SLC6A3: variants seen among roughly 807,000 people sequenced by gnomAD.
The protein encoded by SLC6A3 is sodium-dependent dopamine transporter.
In SLC6A3, 19 loss-of-function variants were observed where a neutral mutation model predicts 70.4. That is an observed-to-expected ratio of 0.27 (90% CI 0.19 to 0.40). The LOEUF is 0.40. Ranked by LOEUF, SLC6A3 falls within the 10% of genes least tolerant of loss-of-function variation. The pLI, the probability that SLC6A3 is intolerant of heterozygous loss-of-function variation, is 1.00. For missense variants in SLC6A3, 613 were observed against 838.5 expected (o/e 0.73, Z 3.32); for synonymous variants, 368 against 356.6 (o/e 1.03, Z -0.36).
rs1361415846 is a variant in SLC6A3 at position 1,416,763 on chromosome 5, C to T, written c.928-562G>A. Among the ~76,000 whole-genome samples, 8 of 150,832 alleles carry T rather than the reference C, an allele frequency of 5.3e-5. No individual in the cohort carries two copies. The East Asian group carries it at 1.6e-3, about 29-fold the overall frequency. On this transcript the variant is annotated intron_variant, in intron 6 of 14. Coordinates refer to ENST00000270349, the MANE Select transcript of SLC6A3 (RefSeq NM_001044.5). ...TCATCCACACACAACATGACCGCAGCGTCCTAATAGCCCTCAGAAGAGCAC... is the reference window on the plus strand; with the variant it reads ...TCATCCACACACAACATGACCGCAGTGTCCTAATAGCCCTCAGAAGAGCAC...
Position 1,437,962 on chromosome 5 carries a change from T to G in SLC6A3, c.418+3397A>C, listed in dbSNP as rs1408113476. ...AAGGACAAAGGCACATGTATCAGGG[T>G]GCCGGGGGTGCATGGTGTACATCTG... On this transcript the variant is annotated intron_variant, in intron 3 of 14. Coordinates refer to ENST00000270349, the MANE Select transcript of SLC6A3 (RefSeq NM_001044.5). This position sits in a 1 kb window ranked among gnomAD's most constrained non-coding sequence, Gnocchi z 4.8. Among the ~76,000 whole-genome samples the G allele has an allele frequency of 3.3e-5, 5 of 152,182 alleles. No individual in the cohort carries two copies. The highest frequency in any genetic ancestry group is 1.2e-4 in the African/African-American group (5 of 41,448).
chr5:1,422,367 A>AGTGCTGCCCACGCTGCTGGGTGCCCACCG (rs1756459793), intron 4 of SLC6A3, among the ~76,000 whole-genome samples: 3 of 105,270 alleles, frequency 2.8e-5, no homozygotes, highest in Non-Finnish European at 5.9e-5. Context: ...GGTGCCCACC[A>AGTGCTGCCCACGCTGCTGGGTGCCCACCG]CTGCCCAGTG....
intron 7 of SLC6A3, among the ~76,000 whole-genome samples, chr5:1,415,118 A>T (rs893142455): frequency 6.6e-6 from 1 of 151,810 alleles, no homozygotes; most frequent in Non-Finnish European, 1.5e-5. Flanking sequence ...GATCTTCCAG[A>T]AGCTCTAGGA....
intron 4 of SLC6A3, among the ~76,000 whole-genome samples, chr5:1,422,554 C>T (rs1342954291): frequency 3.5e-5 from 5 of 143,090 alleles, no homozygotes; most frequent in African/African-American, 5.5e-5. Flanking sequence ...GGGTGCCCAC[C>T]GCTGCCCACA....
At chr5:1,407,913 C>A (rs1359118566) in intron 11 of SLC6A3, among the ~76,000 whole-genome samples, 2 of 152,198 alleles carry the variant, frequency 1.3e-5, no homozygotes, top group Non-Finnish European at 2.9e-5. Context: ...GAGAAAATGA[C>A]CCCCTTGTTT....
chr5:1,395,369 A>G (rs1755691266), intron 14 of SLC6A3, among the ~76,000 whole-genome samples: 1 of 152,258 alleles, frequency 6.6e-6, no homozygotes, highest in Non-Finnish European at 1.5e-5. Flanking sequence ...TGTGAGCGTC[A>G]AAGCCCCTCG....
At chr5:1,424,041 G>A (rs1334926660) in intron 4 of SLC6A3, among the ~76,000 whole-genome samples, 2 of 152,214 alleles carry the variant, frequency 1.3e-5, no homozygotes, top group African/African-American at 2.4e-5. Context: ...CACCCTGGCT[G>A]TTGCCAACAG....
chr5:1,396,239 G>A lies in SLC6A3; in HGVS notation c.1840-1481C>T, dbSNP rs1302039421. On this transcript the variant is annotated intron_variant, in intron 14 of 14. Transcript: ENST00000270349. The surrounding 1 kb of genome is among the most constrained non-coding windows in gnomAD (Gnocchi z 7.0). ...GGACGGTCAGGGACCAGTCACGGTAGGTGAAACGTAGCTATGGATACAAAC... is the reference window on the plus strand; with the variant it reads ...GGACGGTCAGGGACCAGTCACGGTAAGTGAAACGTAGCTATGGATACAAAC... 1.3e-5 allele frequency among the ~76,000 whole-genome samples: 2 copies of A among 152,214 alleles called. No homozygotes were observed. Among genetic ancestry groups the A allele is most frequent in the Non-Finnish European group, 2.9e-5 (2 of 68,034 alleles).
At chr5:1,414,908 AG>A (rs1271685752) in intron 7 of SLC6A3, 93 bp from the exon 8 acceptor site, 4 of 1,522,666 alleles carry the variant, frequency 2.6e-6, no homozygotes, top group East Asian at 2.3e-5. Context: ...TGTCTGGGGA[AG>A]GGGGCGGGAG....
chr5:1,408,994 G>T lies in SLC6A3; in HGVS notation c.1498+32C>A, dbSNP rs8179032. ...AGTGGCACAGCCACCAAACAAGAGG[G>T]TGCCGGCTTGGCTGCCTTCCCCCGG... On this transcript the variant is annotated intron_variant, in intron 11 of 14. Coordinates refer to ENST00000270349, the MANE Select transcript of SLC6A3 (RefSeq NM_001044.5). The surrounding 1 kb of genome is among the most constrained non-coding windows in gnomAD (Gnocchi z 6.4). The T allele has an allele frequency of 1.4e-6, 2 of 1,465,906 alleles. No individual in the cohort carries two copies. The highest frequency in any genetic ancestry group is 1.9e-6 in the Non-Finnish European group (2 of 1,047,102). 90.8% of individuals were successfully genotyped at this position (1,465,906 alleles called of 1,614,324 possible). A position where few individuals can be genotyped will look rare whatever the true frequency, so the allele number is the denominator to read the frequency against.
intron 3 of SLC6A3, among the ~76,000 whole-genome samples, chr5:1,439,612 C>G (rs893659002): frequency 6.6e-6 from 1 of 152,222 alleles, no homozygotes; most frequent in Admixed American, 6.5e-5. Flanking sequence ...TGAAGGCCCA[C>G]CCCTGACCCA....
At chr5:1,444,645 G>T (rs1733755243) in intron 1 of SLC6A3, among the ~76,000 whole-genome samples, 1 of 152,228 alleles carries the variant, frequency 6.6e-6, no homozygotes, top group Non-Finnish European at 1.5e-5. Context: ...GGGGTTCCGC[G>T]GCGCGAGCAG....
Position 1,408,245 on chromosome 5 carries a change from T to C in SLC6A3, c.1498+781A>G, listed in dbSNP as rs1323592485. Among the ~76,000 whole-genome samples, 1 of 150,162 alleles carries C rather than the reference T, an allele frequency of 6.7e-6. No homozygotes were observed. Among genetic ancestry groups the C allele is most frequent in the Non-Finnish European group, 1.5e-5 (1 of 67,840 alleles). ...TTTTAGTAAAGATGGGGTTTTACCA[T>C]GTTGGCCAGGATGGTCTTGATCTCT... On this transcript the variant is annotated intron_variant, in intron 11 of 14. Coordinates refer to ENST00000270349, the MANE Select transcript of SLC6A3 (RefSeq NM_001044.5). This position sits in a 1 kb window ranked among gnomAD's most constrained non-coding sequence, Gnocchi z 6.4.
At chr5:1,426,089 G>A (rs1579719026) in intron 4 of SLC6A3, among the ~76,000 whole-genome samples, 1 of 152,290 alleles carries the variant, frequency 6.6e-6, no homozygotes, top group Non-Finnish European at 1.5e-5. Flanking sequence ...AAACAGTGTG[G>A]TGGTTCCTCA....
At chr5:1,425,088 C>A (rs1016594605) in intron 4 of SLC6A3, among the ~76,000 whole-genome samples, 1 of 152,218 alleles carries the variant, frequency 6.6e-6, no homozygotes, top group African/African-American at 2.4e-5. Context: ...AAAGTGTTGG[C>A]CCAGGATGTT....
chr5:1,439,999 A>G (rs1488699726), intron 3 of SLC6A3, among the ~76,000 whole-genome samples: 2 of 152,226 alleles, frequency 1.3e-5, no homozygotes, highest in Non-Finnish European at 2.9e-5. Flanking sequence ...GGAGTCAGAA[A>G]TGCTGGGAGA....
intron 3 of SLC6A3, among the ~76,000 whole-genome samples, chr5:1,434,338 A>T (rs1756779860): frequency 6.6e-6 from 1 of 152,178 alleles, no homozygotes; most frequent in South Asian, 2.1e-4. Context: ...GCCATGCAAG[A>T]CCATCAAGGA....
chr5:1,400,802 A>C, intron 14 of SLC6A3, 113 bp downstream of exon 14: 1 of 722,536 alleles, frequency 1.4e-6, no homozygotes, highest in Non-Finnish European at 2.3e-6. Flanking sequence ...ATGCTGGCTG[A>C]GTAAATGAGC....
intron 4 of SLC6A3, among the ~76,000 whole-genome samples, chr5:1,430,660 A>G (rs410209): frequency 0.31 from 47,283 of 151,950 alleles, 8,305 homozygotes; most frequent in East Asian, 0.52. Context: ...GACCTCAGTG[A>G]TGTCTGTTGA....
Sources: allele counts gnomAD v4.1 joint callset (sites outside exome capture counted in the v4.1 genomes callset), GRCh38; gene constraint gnomAD v4.1.1; non-coding constraint Gnocchi (gnomAD v3.1); transcripts MANE v1.5; gene names NCBI Gene and HGNC (gene_info 2026-07-23, HGNC 2026-07-21).